The following SEC14L2 variants were observed in gnomAD, a reference collection of about 807,000 sequenced individuals.
SEC14L2 encodes SEC14-like protein 2.
A neutral mutation model predicts 56.9 loss-of-function variants in SEC14L2; 50 were observed. That is an observed-to-expected ratio of 0.88 (90% CI 0.70 to 1.11). The LOEUF is 1.11. SEC14L2 is among the 50% of genes most tolerant of loss of function. SEC14L2 has a pLI of 0.00. For missense variants in SEC14L2, 414 were observed against 500.7 expected, an observed-to-expected ratio of 0.83 and a Z score of 1.65; for synonymous variants, 179 against 188.5, an observed-to-expected ratio of 0.95 and a Z score of 0.41.
chr22:30,398,654 C>T (rs765420653), intron 1 of SEC14L2: 11 of 466,966 alleles, frequency 2.4e-5, no homozygotes, highest in Admixed American at 1.4e-4. Flanking sequence ...CTCTCTCCCC[C>T]GCTGCCTTTG....
In SEC14L2 at chr22:30,412,305, T is replaced by C. The variant is rs189876372; in HGVS notation, c.664+1626T>C. Reference sequence around the variant, plus strand: ...GTGCATAGTGGCACATACCAGCTACTAGGGAAGCTATAGATTTGTTTGTAT... The same window carrying C: ...GTGCATAGTGGCACATACCAGCTACCAGGGAAGCTATAGATTTGTTTGTAT... On this transcript the variant is annotated intron_variant, in intron 8 of 11. Coordinates refer to ENST00000615189, the MANE Select transcript of SEC14L2 (RefSeq NM_012429.5). Among the ~76,000 whole-genome samples the C allele has an allele frequency of 2.1e-4, 32 of 152,112 alleles. No homozygotes were observed. In the East Asian group the frequency reaches 3.9e-3, roughly 18 times the overall value.
chr22:30,408,583 C>A (rs760766344), intron 5 of SEC14L2, among the ~76,000 whole-genome samples: 1 of 151,938 alleles, frequency 6.6e-6, no homozygotes, highest in South Asian at 2.1e-4. Context: ...AGACCCTGCG[C>A]CAAAAAAAAT....
At chr22:30,418,830 T>A (rs1934447251) in intron 11 of SEC14L2, among the ~76,000 whole-genome samples, 1 of 152,202 alleles carries the variant, frequency 6.6e-6, no homozygotes. Context: ...AGGAGACCCC[T>A]GGAAAGCAGA....
chr22:30,415,916 A>C, intron 9 of SEC14L2, 32 bp from the exon 10 acceptor site: 1 of 1,614,168 alleles, frequency 6.2e-7, no homozygotes, highest in Non-Finnish European at 8.5e-7. Context: ...GCTCAAATGC[A>C]CATTCCAGTT....
At position 30,397,121 on chromosome 22, in the gene SEC14L2, G is replaced by A; in HGVS notation, c.5G>A (p.Ser2Asn). Reference sequence around the variant, plus strand: ...CATCCCCGCGGTTGAGCCACGATGAGCGGCAGAGTCGGCGATCTGAGCCCC... The same window carrying A: ...CATCCCCGCGGTTGAGCCACGATGAACGGCAGAGTCGGCGATCTGAGCCCC... M[S>N]GRVGDLSPRQ... Residue 2 changes from serine (S) to asparagine (N), a missense_variant, in exon 1 of 12, where the codon AGC becomes AAC. Coordinates refer to ENST00000615189, the MANE Select transcript of SEC14L2 (RefSeq NM_012429.5). 4.5e-6 allele frequency: 7 copies of A among 1,548,372 alleles called. No homozygotes were observed. The highest frequency in any genetic ancestry group is 6.1e-6 in the Non-Finnish European group (7 of 1,146,054).
At chr22:30,413,050 G>A (rs1352845116) in intron 8 of SEC14L2, among the ~76,000 whole-genome samples, 1 of 152,040 alleles carries the variant, frequency 6.6e-6, no homozygotes, top group African/African-American at 2.4e-5. Flanking sequence ...AAAAATGTTG[G>A]GAATACCTGA....
In SEC14L2 at chr22:30,416,077, T is replaced by C; in HGVS notation, c.901T>C (p.Cys301Arg). ...QVEYEILFPG[C>R]VLRWQFMSDG... ...GGAGTATGAGATCCTCTTCCCTGGC[T>C]GTGTCCTCAGGTAGGGGCCTGGGCC... The change falls in exon 10 of 12, where the codon TGT (cysteine) becomes CGT (arginine). Residue 301 changes from cysteine to arginine, a missense_variant. Cys to Arg is a radical substitution (Grantham distance 180, BLOSUM62 -3). Coordinates refer to ENST00000615189, the MANE Select transcript of SEC14L2 (RefSeq NM_012429.5). 1.2e-6 allele frequency: 2 copies of C among 1,614,258 alleles called. No individual in the cohort carries two copies. The highest frequency in any genetic ancestry group is 1.7e-6 in the Non-Finnish European group (2 of 1,180,038).
intron 11 of SEC14L2, 90 bp downstream of exon 11, chr22:30,416,493 G>C: frequency 6.2e-7 from 1 of 1,604,334 alleles, no homozygotes. Flanking sequence ...TTTTGGCTCT[G>C]AGTGTTAGAA....
At position 30,407,027 on chromosome 22, in the gene SEC14L2, C is replaced by T. The variant is rs1360932672; in HGVS notation, c.175-68C>T. 7 of 1,519,942 alleles carry T rather than the reference C, an allele frequency of 4.6e-6. No individual in the cohort carries two copies. In the South Asian group the frequency reaches 6.8e-5, roughly 15 times the overall value. 94.2% of individuals were successfully genotyped at this position (1,519,942 alleles called of 1,614,324 possible). A position where few individuals can be genotyped will look rare whatever the true frequency, so the allele number is the denominator to read the frequency against. On this transcript the variant is annotated intron_variant, in intron 3 of 11. Transcript: ENST00000615189. ...TTGGCCTCCCAAAGTGCTGGGATTA[C>T]AGGTGTGAACCACCATGCCTGGCTG...
At chr22:30,399,001 C>T (rs1015955679) in intron 1 of SEC14L2, among the ~76,000 whole-genome samples, 1 of 152,160 alleles carries the variant, frequency 6.6e-6, no homozygotes, top group Non-Finnish European at 1.5e-5. Flanking sequence ...GGTAAACTGA[C>T]AGCTTTTACT....
intron 2 of SEC14L2, among the ~76,000 whole-genome samples, chr22:30,403,394 C>T (rs574949186): frequency 5.6e-4 from 85 of 152,282 alleles, no homozygotes; most frequent in African/African-American, 1.9e-3. Flanking sequence ...GGAGGCAGAG[C>T]GGGTCTGAGT....
chr22:30,397,088 C>G lies in SEC14L2; in HGVS notation c.-29C>G. On this transcript the variant is annotated 5_prime_UTR_variant, in exon 1 of 12. Coordinates refer to ENST00000615189, the MANE Select transcript of SEC14L2 (RefSeq NM_012429.5). ...CTGCCGCACCCGCCGCCTCCCGCCC[C>G]CAAACCCCATCCCCGCGGTTGAGCC... is the stretch of plus-strand genomic sequence containing the variant. The G allele has an allele frequency of 6.5e-7, 1 of 1,547,462 alleles. No individual in the cohort carries two copies. Among genetic ancestry groups the G allele is most frequent in the Non-Finnish European group, 8.7e-7 (1 of 1,145,456 alleles).
In SEC14L2 at chr22:30,407,414, G is replaced by A. The variant is rs1397391184; in HGVS notation, c.235-1G>A. The A allele has an allele frequency of 6.2e-7, 1 of 1,611,806 alleles. No homozygotes were observed. The highest frequency in any genetic ancestry group is 8.5e-7 in the Non-Finnish European group (1 of 1,178,116). On this transcript the variant is annotated splice_acceptor_variant, in intron 4 of 11. Transcript: ENST00000615189. LOFTEE classifies it high-confidence loss of function. ...GGTGGCTCCTCTGTGTCTTTGCCCA[G>A]GTGATCCAACAGTATCTGTCAGGGG...
intron 2 of SEC14L2, among the ~76,000 whole-genome samples, chr22:30,401,348 T>C (rs1933927994): frequency 6.7e-6 from 1 of 150,216 alleles, no homozygotes; most frequent in Non-Finnish European, 1.5e-5. Flanking sequence ...TAGCTGGGAT[T>C]ATAGGCTCCC....
chr22:30,413,399 T>A (rs1211470489), intron 8 of SEC14L2, among the ~76,000 whole-genome samples: 2 of 151,730 alleles, frequency 1.3e-5, no homozygotes, highest in African/African-American at 4.8e-5. Flanking sequence ...TTTGCTGAAG[T>A]GGAGTGGAGG....
At chr22:30,406,470 A>G in intron 3 of SEC14L2, 85 bp downstream of exon 3, 1 of 1,383,784 alleles carries the variant, frequency 7.2e-7, no homozygotes, top group Non-Finnish European at 1.0e-6. Context: ...CTCCCATCCC[A>G]ATCACAGCTT....
At chr22:30,420,027 C>T (rs968394019) in intron 11 of SEC14L2, among the ~76,000 whole-genome samples, 2 of 151,492 alleles carry the variant, frequency 1.3e-5, no homozygotes, top group African/African-American at 4.9e-5. Flanking sequence ...GATCTCGACT[C>T]ACTGCAACCT....
intron 2 of SEC14L2, 151 bp from the exon 3 acceptor site, chr22:30,406,191 A>G: frequency 1.5e-6 from 1 of 671,746 alleles, no homozygotes; most frequent in East Asian, 2.8e-5. Context: ...AAAGGCTCTC[A>G]TGTTAGCTTC....
At chr22:30,414,599 C>T (rs1349475410) in intron 8 of SEC14L2, among the ~76,000 whole-genome samples, 1 of 152,124 alleles carries the variant, frequency 6.6e-6, no homozygotes, top group Non-Finnish European at 1.5e-5. Flanking sequence ...TACCCCAGGG[C>T]CTGGAGCTGC....
Sources: gnomAD v4.1 joint callset for allele counts (sites outside exome capture counted in the v4.1 genomes callset) on GRCh38, gnomAD v4.1.1 for gene constraint, MANE v1.5 for transcripts, NCBI Gene and HGNC (gene_info 2026-07-23, HGNC 2026-07-21) for gene names.